DNAI2: variants seen among roughly 807,000 people sequenced by gnomAD.
DNAI2 encodes the protein dynein, axonemal, intermediate polypeptide 2.
A neutral mutation model predicts 74.7 loss-of-function variants in DNAI2; 63 were observed. That is an observed-to-expected ratio of 0.84 (90% confidence interval 0.69 to 1.04). The LOEUF is 1.04. Ranked by LOEUF, DNAI2 falls within the 50% of genes least tolerant of loss-of-function variation. The pLI, the probability that DNAI2 is intolerant of heterozygous loss-of-function variation, is 0.00. For synonymous variants in DNAI2, 289 were observed against 314.9 expected, an observed-to-expected ratio of 0.92 and a Z score of 0.87; for missense variants, 688 against 803.2, an observed-to-expected ratio of 0.86 and a Z score of 1.73.
chr17:74,309,819 G>T, intron 10 of DNAI2, 198 bp from the exon 11 acceptor site: 3 of 705,458 alleles, frequency 4.3e-6, no homozygotes, highest in Admixed American at 2.1e-5. Flanking sequence ...AACTGAAGGG[G>T]TGGGGCGGGA....
chr17:74,314,097 C>CT, intron 12 of DNAI2, 24 bp from the exon 13 acceptor site: 1 of 1,614,006 alleles, frequency 6.2e-7, no homozygotes, highest in Non-Finnish European at 8.5e-7. Flanking sequence ...AACACCAACA[C>CT]TTCTGTGCTG....
intron 4 of DNAI2, among the ~76,000 whole-genome samples, chr17:74,287,954 C>CAA (rs35302128): frequency 0.055 from 7,385 of 134,422 alleles, 253 homozygotes; most frequent in African/African-American, 0.097. Flanking sequence ...GACTCTGTCT[C>CAA]AAAAAAAAAA....
intron 2 of DNAI2, among the ~76,000 whole-genome samples, chr17:74,282,665 G>A (rs1309073170): frequency 3.9e-5 from 6 of 152,172 alleles, no homozygotes; most frequent in Non-Finnish European, 7.3e-5. Flanking sequence ...TTGAGAAAAG[G>A]GAAGTGTCCC....
At chr17:74,290,312 T>G (rs1490849204) in intron 5 of DNAI2, among the ~76,000 whole-genome samples, 1 of 152,068 alleles carries the variant, frequency 6.6e-6, no homozygotes, top group African/African-American at 2.4e-5. Flanking sequence ...TGAGACTCTA[T>G]CTCAACAGCA....
At chr17:74,281,625 C>T (rs751781536) in intron 1 of DNAI2, 182 bp from the exon 2 acceptor site, 33 of 626,996 alleles carry the variant, frequency 5.3e-5, no homozygotes, top group African/African-American at 4.8e-4. Flanking sequence ...AGCATATAGT[C>T]GGCACTCAGG....
intron 2 of DNAI2, 86 bp downstream of exon 2, chr17:74,282,086 C>G: frequency 4.7e-6 from 7 of 1,504,570 alleles, no homozygotes. Flanking sequence ...TCTGTGGGTC[C>G]TTGTCCACCT....
At chr17:74,284,920 C>T in intron 2 of DNAI2, 120 bp from the exon 3 acceptor site, 1 of 1,306,692 alleles carries the variant, frequency 7.7e-7, no homozygotes. Context: ...TACTGTGGCT[C>T]CGGCCAGGGC....
At position 74,281,931 on chromosome 17, in the gene DNAI2, C is replaced by T. The variant is rs763489979; in HGVS notation, c.114C>T (p.Ala38=). 12 of 1,614,038 alleles carry T rather than the reference C, an allele frequency of 7.4e-6. No individual in the cohort carries two copies. Among genetic ancestry groups the T allele is most frequent in the African/African-American group, 1.3e-5 (1 of 74,920 alleles). Residue 38 remains alanine (A), a synonymous_variant, in exon 2 of 14, where the codon GCC becomes GCT. Coordinates refer to ENST00000311014, the MANE Select transcript of DNAI2 (RefSeq NM_023036.6). The part of the protein sequence containing the change: ...NIDIMPNPEL[A]EQFVERNPVD... ...ACATCATGCCCAACCCTGAGCTGGC[C>T]GAGCAGTTCGTGGAGCGGAACCCAG...
chr17:74,278,767 C>T (rs1317488086), intron 1 of DNAI2, among the ~76,000 whole-genome samples: 1 of 151,182 alleles, frequency 6.6e-6, no homozygotes, highest in East Asian at 1.9e-4. Context: ...AAATGAGATT[C>T]CATCTCAAAA....
chr17:74,275,793 G>T (rs1417387611), intron 1 of DNAI2, among the ~76,000 whole-genome samples: 4 of 152,080 alleles, frequency 2.6e-5, no homozygotes, highest in Non-Finnish European at 4.4e-5. Flanking sequence ...AGGAGACTGA[G>T]GCACAAGAAT....
In DNAI2 at chr17:74,314,256, C is replaced by T. The variant is rs867912736; in HGVS notation, c.*40C>T. The T allele has an allele frequency of 1.2e-6, 2 of 1,612,748 alleles. No homozygotes were observed. Among genetic ancestry groups the T allele is most frequent in the Non-Finnish European group, 1.7e-6 (2 of 1,179,150 alleles). ...CTGCGGCGCTATCCCTGTGTGCCTT[C>T]CTTTCCCACCTCTTGGTATTGCCCC... On this transcript the variant is annotated 3_prime_UTR_variant, in exon 13 of 14. Coordinates refer to ENST00000311014, the MANE Select transcript of DNAI2 (RefSeq NM_023036.6).
intron 6 of DNAI2, among the ~76,000 whole-genome samples, chr17:74,295,374 G>T (rs1368963877): frequency 2.6e-5 from 4 of 152,132 alleles, no homozygotes; most frequent in African/African-American, 4.8e-5. Context: ...TGCACTCCAG[G>T]CTGGGCAACA....
intron 9 of DNAI2, 40 bp from the exon 10 acceptor site, chr17:74,309,213 C>T (rs1212718488): frequency 5.0e-6 from 8 of 1,612,728 alleles, no homozygotes; most frequent in Middle Eastern, 1.6e-4. Flanking sequence ...GGCTCAGAAG[C>T]CTCTGTCCCT....
chr17:74,312,146 C>T lies in DNAI2; in HGVS notation c.1638C>T (p.Ser546=), dbSNP rs1270377924. The T allele has an allele frequency of 5.6e-6, 9 of 1,613,374 alleles. No homozygotes were observed. Among genetic ancestry groups the T allele is most frequent in the Non-Finnish European group, 6.8e-6 (8 of 1,179,944 alleles). Reference sequence around the variant, plus strand: ...CCGTAGACCTGGAGGCGCTGGTCAGCAAGGCCGAGGAGGAGTTCTTCGACA... The same window carrying T: ...CCGTAGACCTGGAGGCGCTGGTCAGTAAGGCCGAGGAGGAGTTCTTCGACA... ...ELAVDLEALV[S]KAEEEFFDII... The change falls in exon 12 of 14, where the codon AGC becomes AGT. Residue 546 remains serine, a synonymous_variant. Transcript: ENST00000311014.
intron 4 of DNAI2, among the ~76,000 whole-genome samples, chr17:74,287,746 G>A (rs1053574699): frequency 1.3e-5 from 2 of 152,212 alleles, no homozygotes; most frequent in African/African-American, 4.8e-5. Flanking sequence ...CCTGAGGTCA[G>A]GAGTTCAAGA....
At chr17:74,304,886 A>G (rs114212809) in intron 8 of DNAI2, among the ~76,000 whole-genome samples, 1,771 of 152,260 alleles carry the variant, frequency 0.012, 35 homozygotes, top group African/African-American at 0.04. Context: ...TCTCTCTGTA[A>G]ACAAACATTC....
rs191045514 is a variant in DNAI2, at chr17:74,282,635, T to C, written c.183+635T>C. On this transcript the variant is annotated intron_variant, in intron 2 of 13. Coordinates refer to ENST00000311014, the MANE Select transcript of DNAI2 (RefSeq NM_023036.6). ...TATTCTGAGGGAGCAGAGATTCATA[T>C]CTACAGGCAACTACCCAGCTTGAGA... Among the ~76,000 whole-genome samples the C allele has an allele frequency of 1.4e-3, 208 of 152,284 alleles. 1 individual carries two copies. Among genetic ancestry groups the C allele is most frequent in the African/African-American group, 4.8e-3 (199 of 41,562 alleles).
At chr17:74,301,497 C>T (rs529835799) in intron 8 of DNAI2, among the ~76,000 whole-genome samples, 1 of 152,268 alleles carries the variant, frequency 6.6e-6, no homozygotes, top group African/African-American at 2.4e-5. Context: ...GGACCAACAT[C>T]GGGAGGCCTG....
Position 74,289,599 on chromosome 17 carries a change from C to G in DNAI2, c.473C>G (p.Pro158Arg), listed in dbSNP as rs1454526264. Residue 158 changes from proline (P) to arginine (R), a missense_variant, in exon 5 of 14, where the codon CCC (proline) becomes CGC (arginine). Pro to Arg is a moderately radical substitution (Grantham distance 103). Transcript: ENST00000311014. ...CTCTTCCCTCTCCCCTGCAGGGACCCCCAGGAAATCAAGAGGGCTGCCACA... is the reference window on the plus strand; with the variant it reads ...CTCTTCCCTCTCCCCTGCAGGGACCGCCAGGAAATCAAGAGGGCTGCCACA... ...SAKTINVFRD[P>R]QEIKRAATHL... The G allele has an allele frequency of 6.2e-7, 1 of 1,614,078 alleles. No individual in the cohort carries two copies. The highest frequency in any genetic ancestry group is 1.1e-5 in the South Asian group (1 of 91,080).
Sources: allele counts gnomAD v4.1 joint callset (sites outside exome capture counted in the v4.1 genomes callset), GRCh38; gene constraint gnomAD v4.1.1; transcripts MANE v1.5; gene names NCBI Gene and HGNC (gene_info 2026-07-23, HGNC 2026-07-21).